Variants in PSME4 observed in about 807,000 individuals in gnomAD.
PSME4 encodes proteasome activator subunit 4, also known as proteasome activator complex subunit 4.
Under a neutral mutation model 253.9 loss-of-function variants are expected in PSME4, and 89 were observed. That is an observed-to-expected ratio of 0.35 (90% CI 0.30 to 0.42). The LOEUF (loss-of-function observed/expected upper bound fraction) is 0.42, where lower values mean the gene tolerates loss of function less well. Among genes scored for constraint, PSME4 ranks in the 10% least tolerant of loss-of-function variants. The pLI is 1.00. For synonymous variants in PSME4, 851 were observed against 759.2 expected (o/e 1.12, Z -1.99); for missense variants, 2,014 against 2,195.2 (o/e 0.92, Z 1.65).
chr2:53,953,785 T>C (rs897356966), intron 1 of PSME4, among the ~76,000 whole-genome samples: 1 of 152,178 alleles, frequency 6.6e-6, no homozygotes, highest in Non-Finnish European at 1.5e-5. Flanking sequence ...CATTAGGTTT[T>C]AGGACTAATG....
chr2:53,943,756 C>T (rs113528203), intron 3 of PSME4, among the ~76,000 whole-genome samples: 3 of 148,830 alleles, frequency 2.0e-5, no homozygotes, highest in East Asian at 2.0e-4. Context: ...GCAGAAGAAT[C>T]GCTTGAACTC....
Position 53,902,666 on chromosome 2 carries a change from A to G in PSME4, c.3076-1107T>C, listed in dbSNP as rs543886981. 3.4e-3 allele frequency among the ~76,000 whole-genome samples: 514 copies of G among 152,324 alleles called. 3 individuals are homozygous for G. The highest frequency in any genetic ancestry group is 6.8e-3 in the Middle Eastern group (2 of 294). ...AACCTACAACACTCTTGAATTATAC[A>G]TCTGCACCAGGGGTCAGCAAACATT... On this transcript the variant is annotated intron_variant, in intron 27 of 46. Transcript: ENST00000404125.
chr2:53,866,271 G>GGAT (rs751268645), intron 45 of PSME4, 48 bp from the exon 46 acceptor site: 1 of 1,593,060 alleles, frequency 6.3e-7, no homozygotes, highest in Non-Finnish European at 8.6e-7. Flanking sequence ...TGGACAACCA[G>GGAT]GATCATATGT....
intron 3 of PSME4, among the ~76,000 whole-genome samples, chr2:53,940,867 T>C (rs10164409): frequency 0.41 from 46,169 of 111,620 alleles, 11,266 homozygotes; most frequent in East Asian, 0.7. Context: ...ATATATAATA[T>C]ATATTTAAAT....
Position 53,910,122 on chromosome 2 carries a change from C to T in PSME4, c.2525G>A (p.Ser842Asn). ...KGEPVTNLVP[S>N]MVSLEETKLY... ...CTTTGTCTCTTCCAAGGACACCATA[C>T]TTGGTACTCTGTATAAAAACAAGAG... is the stretch of plus-strand genomic sequence containing the variant. The change falls in exon 21 of 47, where the codon AGT becomes AAT. Residue 842 changes from serine to asparagine, a missense_variant. Ser to Asn is a conservative substitution (Grantham distance 46). This residue lies in a region of PSME4 where 989 missense variants were observed against 1,021.1 expected (regional missense o/e 0.97). Transcript: ENST00000404125. 1.2e-6 allele frequency: 2 copies of T among 1,606,540 alleles called. No homozygotes were observed. The highest frequency in any genetic ancestry group is 1.1e-5 in the South Asian group (1 of 90,906).
At chr2:53,935,261 C>T (rs1361956176) in intron 7 of PSME4, among the ~76,000 whole-genome samples, 1 of 152,156 alleles carries the variant, frequency 6.6e-6, no homozygotes, top group Non-Finnish European at 1.5e-5. Context: ...TATATTCCAA[C>T]TCTATCATTA....
chr2:53,940,940 AAT>A lies in PSME4; in HGVS notation c.501-942_501-941del, dbSNP rs1285943060. Among the ~76,000 whole-genome samples the A allele has an allele frequency of 4.9e-4, 25 of 51,302 alleles. 1 individual carries two copies. The highest frequency in any genetic ancestry group is 1.9e-3 in the Admixed American group (8 of 4,162). The allele number at this position is 51,302 out of a possible 152,430, so 33.7% of individuals were successfully genotyped here. A position where few individuals can be genotyped will look rare whatever the true frequency, so the allele number is the denominator to read the frequency against. On this transcript the variant is annotated intron_variant, in intron 3 of 46. Transcript: ENST00000404125. Reference sequence around the variant, plus strand: ...TAAATATATATATAATACATATATAAATATATATATACATATATATATATATA... The same window carrying A: ...TAAATATATATATAATACATATATAAATATATATACATATATATATATATA...
Position 53,906,703 on chromosome 2 carries a change from C to A in PSME4, c.2848-10G>T. 6.3e-7 allele frequency: 1 copy of A among 1,593,572 alleles called. No individual in the cohort carries two copies. The highest frequency in any genetic ancestry group is 8.5e-7 in the Non-Finnish European group (1 of 1,171,846). ...CAGTTAGTGTCCGTAGCTAAGAAAA[C>A]AATCGCAAACATTTACTAAAATTTG... On this transcript the variant is annotated splice_polypyrimidine_tract_variant and intron_variant, in intron 25 of 46. Coordinates refer to ENST00000404125, the MANE Select transcript of PSME4 (RefSeq NM_014614.3).
intron 29 of PSME4, among the ~76,000 whole-genome samples, chr2:53,899,420 T>C (rs960287503): frequency 2.0e-5 from 3 of 152,162 alleles, no homozygotes; most frequent in Non-Finnish European, 4.4e-5. Context: ...AAAACAGGAA[T>C]CTGTGTAGTA....
chr2:53,922,374 A>G, intron 17 of PSME4, 143 bp downstream of exon 17: 1 of 768,998 alleles, frequency 1.3e-6, no homozygotes, highest in Non-Finnish European at 2.2e-6. Context: ...AGTATGACAT[A>G]TTCTGATCTT....
intron 1 of PSME4, among the ~76,000 whole-genome samples, chr2:53,957,205 C>T (rs1464119963): frequency 6.6e-6 from 1 of 152,138 alleles, no homozygotes; most frequent in Non-Finnish European, 1.5e-5. Flanking sequence ...TTTTAACACA[C>T]AGAAAGGACC....
chr2:53,897,344 C>G (rs1388926957), intron 31 of PSME4, among the ~76,000 whole-genome samples: 2 of 151,818 alleles, frequency 1.3e-5, no homozygotes, highest in East Asian at 3.9e-4. Context: ...TAATTTTGTA[C>G]TTCTAGTAGA....
chr2:53,923,538 T>G, intron 14 of PSME4, 119 bp from the exon 15 acceptor site: 1 of 1,265,128 alleles, frequency 7.9e-7, no homozygotes, highest in Non-Finnish European at 1.1e-6. Flanking sequence ...ATAGGCAATT[T>G]TTAACCATCT....
chr2:53,884,965 T>G (rs1679568380), intron 41 of PSME4, among the ~76,000 whole-genome samples: 1 of 152,210 alleles, frequency 6.6e-6, no homozygotes, highest in Admixed American at 6.5e-5. Context: ...TGCCATTTGT[T>G]AACAATAATA....
At chr2:53,886,613 G>A (rs1679650006) in intron 40 of PSME4, among the ~76,000 whole-genome samples, 1 of 152,164 alleles carries the variant, frequency 6.6e-6, no homozygotes. Context: ...AATGTAAAAT[G>A]GTGCAGCTGC....
intron 35 of PSME4, 95 bp from the exon 36 acceptor site, chr2:53,893,055 A>G: frequency 8.5e-7 from 1 of 1,182,092 alleles, no homozygotes. Flanking sequence ...AACGTGCTTA[A>G]AAGCTCCAAG....
In PSME4 at chr2:53,920,336, G is replaced by A. The variant is rs769001418; in HGVS notation, c.2277C>T (p.Pro759=). The change falls in exon 19 of 47, where the codon CCC becomes CCT. Residue 759 remains proline (P), a synonymous_variant. Transcript: ENST00000404125. ...GGATTCCCAGATTCCACAAGTCCCC[G>A]GGTTTGCCCCAGTCCTAGAAGAGAA... ...EYFPIKDWGK[P]GDLWNLGIQW... 16 of 1,612,440 alleles carry A rather than the reference G, an allele frequency of 9.9e-6. No homozygotes were observed. Among genetic ancestry groups the A allele is most frequent in the East Asian group, 2.2e-5 (1 of 44,866 alleles).
chr2:53,888,163 T>C (rs992715773), intron 38 of PSME4, 174 bp from the exon 39 acceptor site: 2 of 535,310 alleles, frequency 3.7e-6, no homozygotes, highest in Non-Finnish European at 5.8e-6. Flanking sequence ...ATTTTTCCTA[T>C]ATCATTTTCT....
rs1309992006 is a variant in PSME4, at chr2:53,900,149, T to C, written c.3286-132A>G. ...CACATATTTTACGATTCCATTTATA[T>C]GAAATATCTAATAATGGGCAAATTT... On this transcript the variant is annotated intron_variant, in intron 28 of 46. Coordinates refer to ENST00000404125, the MANE Select transcript of PSME4 (RefSeq NM_014614.3). 4.6e-6 allele frequency: 4 copies of C among 875,472 alleles called. No homozygotes were observed. In the East Asian group the frequency reaches 1.1e-4, roughly 23 times the overall value. The allele number at this position is 875,472 out of a possible 1,614,324, so 54.2% of individuals were successfully genotyped here.
Sources: allele counts gnomAD v4.1 joint callset (sites outside exome capture counted in the v4.1 genomes callset), GRCh38; gene constraint gnomAD v4.1.1; regional missense constraint gnomAD v4.1.1; transcripts MANE v1.5; gene names NCBI Gene and HGNC (gene_info 2026-07-23, HGNC 2026-07-21).